SLC12A7: variants seen among roughly 807,000 people sequenced by gnomAD.
SLC12A7 encodes K-Cl cotransporter 4.
In SLC12A7, 100 loss-of-function variants were observed where a neutral mutation model predicts 120.6. The observed-to-expected ratio is 0.83, with a 90% CI of 0.71 to 0.98. The LOEUF (loss-of-function observed/expected upper bound fraction) is 0.98, where lower values mean the gene tolerates loss of function less well. Among genes scored for constraint, SLC12A7 ranks in the 50% least tolerant of loss-of-function variants. SLC12A7 has a pLI of 0.00. For missense variants in SLC12A7, 1,373 were observed against 1,548.1 expected (o/e 0.89, Z 1.90); for synonymous variants, 760 against 678.0 (o/e 1.12, Z -1.88).
rs765467472 is a variant in SLC12A7, at chr5:1,085,447, G to C, written c.702C>G (p.Ile234Met). The change falls in exon 7 of 24, where the codon ATC (isoleucine) becomes ATG (methionine). Residue 234 changes from isoleucine to methionine, a missense_variant. Coordinates refer to ENST00000264930, the MANE Select transcript of SLC12A7 (RefSeq NM_006598.3). ...FLTYISPGAA[I>M]FQAEAAGGEA... ...CGCCACCTGCAGCCTCCGCCTGGAA[G>C]ATGGCCGCACCCGGGGAGATGTACG... The C allele has an allele frequency of 6.2e-7, 1 of 1,609,068 alleles. No homozygotes were observed. The highest frequency in any genetic ancestry group is 1.1e-5 in the South Asian group (1 of 90,396).
At chr5:1,115,542 A>G (rs1743281721), upstream of SLC12A7, among the ~76,000 whole-genome samples, 3 of 152,176 alleles carry the variant, frequency 2.0e-5, no homozygotes, top group Non-Finnish European at 4.4e-5. Context: ...CGCCATCTGC[A>G]TCCTTCTGGG....
chr5:1,076,789 G>A lies in SLC12A7; in HGVS notation c.1653C>T (p.Asn551=), dbSNP rs374911541. The A allele has an allele frequency of 2.9e-5, 47 of 1,610,204 alleles. No individual in the cohort carries two copies. The highest frequency in any genetic ancestry group is 1.7e-4 in the Middle Eastern group (1 of 6,058). ...FLQVFGHGKA[N]GEPTWALLLT... ...GCAGCAGCGCCCACGTGGGCTCCCC[G>A]TTGGCCTTCCCGTGGCCAAACACCT... Residue 551 remains asparagine, a synonymous_variant, in exon 13 of 24, where the codon AAC becomes AAT. Transcript: ENST00000264930.
At chr5:1,142,075 G>C in the SLC12A7 span, among the ~76,000 whole-genome samples, 12 of 151,714 alleles carry the variant, frequency 7.9e-5, no homozygotes, top group Non-Finnish European at 1.8e-4. Flanking sequence ...GGCAGGTGGC[G>C]TCAGGGTGGC....
chr5:1,088,291 G>A lies in SLC12A7; in HGVS notation c.544+15C>T. ...CTAACAGGACTCAGGGCCGCGGCTG[G>A]CGGGCACCCCTTACCTGGGACCACA... On this transcript the variant is annotated intron_variant, in intron 5 of 23. Transcript: ENST00000264930. 6.3e-7 allele frequency: 1 copy of A among 1,580,096 alleles called. No homozygotes were observed. Among genetic ancestry groups the A allele is most frequent in the African/African-American group, 1.3e-5 (1 of 74,724 alleles).
intron 1 of SLC12A7, among the ~76,000 whole-genome samples, chr5:1,099,680 T>G (rs1211114128): frequency 6.6e-6 from 1 of 152,200 alleles, no homozygotes; most frequent in Non-Finnish European, 1.5e-5. Context: ...ACAGAAGCCC[T>G]GTAAAGGCCG....
the SLC12A7 span, among the ~76,000 whole-genome samples, chr5:1,121,081 C>A: frequency 6.6e-6 from 1 of 152,244 alleles, no homozygotes; most frequent in African/African-American, 2.4e-5. Flanking sequence ...GTCCACCCAA[C>A]CCTCCTGCTG....
At chr5:1,057,291 G>T in intron 22 of SLC12A7, 180 bp downstream of exon 22, 1 of 623,074 alleles carries the variant, frequency 1.6e-6, no homozygotes, top group Non-Finnish European at 2.7e-6. Flanking sequence ...TCAGGGCCCG[G>T]CCTTGGCACC....
intron 1 of SLC12A7, among the ~76,000 whole-genome samples, chr5:1,099,592 C>T (rs966958614): frequency 3.9e-5 from 6 of 152,184 alleles, no homozygotes; most frequent in Non-Finnish European, 1.5e-5. Flanking sequence ...CAAAACTCGC[C>T]TCCCCTCCCT....
chr5:1,146,605 T>A, the SLC12A7 span, among the ~76,000 whole-genome samples: 1 of 152,080 alleles, frequency 6.6e-6, no homozygotes, highest in Non-Finnish European at 1.5e-5. This position sits in a 1 kb window ranked among gnomAD's most constrained non-coding sequence, Gnocchi z 6.5. Flanking sequence ...CATGCCGCCC[T>A]CCTCCCTTTC....
At chr5:1,061,652 T>G (rs956075665) in intron 20 of SLC12A7, among the ~76,000 whole-genome samples, 1 of 152,210 alleles carries the variant, frequency 6.6e-6, no homozygotes, top group Admixed American at 6.5e-5. Context: ...GCACCAGTAT[T>G]TAAAACAGCA....
chr5:1,063,814 G>A, intron 20 of SLC12A7, 30 bp downstream of exon 20: 1 of 297,590 alleles, frequency 3.4e-6, no homozygotes, highest in Non-Finnish European at 6.7e-6. Context: ...CCTCCCCCCG[G>A]CCTCCTCCCC....
rs1193202664 is a variant in SLC12A7 at position 1,052,252 on chromosome 5, A to T, written c.*108T>A. ...CCCCATGGGCAGCTTGGGCGGCATCACTGGGGGACAGGTGTGTCTGCCGTC... is the reference window on the plus strand; with the variant it reads ...CCCCATGGGCAGCTTGGGCGGCATCTCTGGGGGACAGGTGTGTCTGCCGTC... On this transcript the variant is annotated 3_prime_UTR_variant, in exon 24 of 24. Coordinates refer to ENST00000264930, the MANE Select transcript of SLC12A7 (RefSeq NM_006598.3). 2.1e-6 allele frequency: 2 copies of T among 936,292 alleles called. No individual in the cohort carries two copies. The highest frequency in any genetic ancestry group is 3.5e-6 in the Non-Finnish European group (2 of 575,156). The allele number at this position is 936,292 out of a possible 1,614,324, so 58.0% of individuals were successfully genotyped here.
chr5:1,093,538 C>G lies in SLC12A7; in HGVS notation c.337G>C (p.Ala113Pro). The change falls in exon 3 of 24, where the codon GCC becomes CCC. Residue 113 changes from alanine (A) to proline (P), a missense_variant. By Grantham distance (27) the Ala-to-Pro change is conservative. Coordinates refer to ENST00000264930, the MANE Select transcript of SLC12A7 (RefSeq NM_006598.3). The part of the protein sequence containing the change: ...EEDEESRRRE[A>P]KAPRMGTFIG... ...CACGGGCAGGGTGGCAGTACCTTGG[C>G]CTCCCGCCGCCGGCTCTCCTCGTCC... 1.9e-6 allele frequency: 3 copies of G among 1,587,754 alleles called. No homozygotes were observed. Among genetic ancestry groups the G allele is most frequent in the Non-Finnish European group, 2.6e-6 (3 of 1,168,490 alleles).
rs147015531 is a variant in SLC12A7 at position 1,062,936 on chromosome 5, G to A, written c.2739+908C>T. ...TTCTGACTTCAAGACCAGTGTTGTC[G>A]GCGTGATCCAAGTGGGGTCAGAACC... On this transcript the variant is annotated intron_variant, in intron 20 of 23. Coordinates refer to ENST00000264930, the MANE Select transcript of SLC12A7 (RefSeq NM_006598.3). The A allele has an allele frequency of 5.4e-3, 831 of 154,334 alleles. 6 individuals carry two copies. The highest frequency in any genetic ancestry group is 0.012 in the African/African-American group (485 of 41,646). The allele number at this position is 154,334 out of a possible 1,614,324, so 9.6% of individuals were successfully genotyped here.
intron 1 of SLC12A7, among the ~76,000 whole-genome samples, chr5:1,094,992 T>G (rs1740949089): frequency 1.0e-5 from 1 of 98,326 alleles, no homozygotes; most frequent in Non-Finnish European, 2.3e-5. Flanking sequence ...TGTGACGGTG[T>G]TAGAAGATAG....
chr5:1,063,269 C>T (rs572033413), intron 20 of SLC12A7, among the ~76,000 whole-genome samples: 30 of 152,344 alleles, frequency 2.0e-4, no homozygotes, highest in Admixed American at 1.0e-3. Flanking sequence ...CCCCTCTCCC[C>T]GGGTCCCGAC....
the SLC12A7 span, among the ~76,000 whole-genome samples, chr5:1,136,853 A>G: frequency 6.9e-6 from 1 of 145,676 alleles, no homozygotes; most frequent in African/African-American, 2.6e-5. Context: ...ATGCTCAAAC[A>G]GCAGGACACG....
the SLC12A7 span, among the ~76,000 whole-genome samples, chr5:1,127,599 A>G: frequency 6.6e-6 from 1 of 152,266 alleles, no homozygotes; most frequent in Non-Finnish European, 1.5e-5. Flanking sequence ...ATGGATATAC[A>G]AATACCACAG....
intron 18 of SLC12A7, 137 bp downstream of exon 18, chr5:1,065,146 G>A (rs1736881518): frequency 1.4e-6 from 1 of 737,246 alleles, no homozygotes; most frequent in Non-Finnish European, 2.2e-6. Flanking sequence ...ACACCAAGGG[G>A]ACAGTGGGGA....
Sources: allele counts gnomAD v4.1 joint callset (sites outside exome capture counted in the v4.1 genomes callset), GRCh38; gene constraint gnomAD v4.1.1; non-coding constraint Gnocchi (gnomAD v3.1); transcripts MANE v1.5; gene names NCBI Gene and HGNC (gene_info 2026-07-23, HGNC 2026-07-21).